Variants in SH3BGR observed in about 807,000 individuals in gnomAD.
The protein encoded by SH3BGR is SH3 domain binding glutamate rich protein.
A neutral mutation model predicts 24.5 loss-of-function variants in SH3BGR; 29 were observed. That is an observed-to-expected ratio of 1.18 (90% CI 0.88 to 1.61). The LOEUF (loss-of-function observed/expected upper bound fraction) is 1.61. Ranked by LOEUF, SH3BGR falls within the 40% of genes most tolerant of loss-of-function variation. The pLI is 0.00. For synonymous variants in SH3BGR, 55 were observed against 65.7 expected, an observed-to-expected ratio of 0.84 and a Z score of 0.79; for missense variants, 162 against 205.8, an observed-to-expected ratio of 0.79 and a Z score of 1.30.
At chr21:39,512,776 A>ATTGCACCACT (rs1223361424) in intron 6 of SH3BGR, among the ~76,000 whole-genome samples, 3 of 152,196 alleles carry the variant, frequency 2.0e-5, no homozygotes, top group Admixed American at 1.3e-4. Flanking sequence ...TGGGTGACAG[A>ATTGCACCACT]GCAAGACTCT....
intron 1 of SH3BGR, among the ~76,000 whole-genome samples, chr21:39,458,302 A>G (rs1015088485): frequency 6.6e-6 from 1 of 152,118 alleles, no homozygotes; most frequent in African/African-American, 2.4e-5. Flanking sequence ...GTCATGTCAA[A>G]GAAAATTTTT....
At chr21:39,459,825 TC>T (rs1299689742) in intron 1 of SH3BGR, among the ~76,000 whole-genome samples, 1 of 152,144 alleles carries the variant, frequency 6.6e-6, no homozygotes, top group Non-Finnish European at 1.5e-5. Flanking sequence ...ACTTTCAGCC[TC>T]CCAAAGTGCT....
intron 3 of SH3BGR, 92 bp from the exon 4 acceptor site, chr21:39,499,731 G>T: frequency 2.4e-6 from 2 of 843,854 alleles, no homozygotes; most frequent in Non-Finnish European, 3.8e-6. Flanking sequence ...TATACTGTGT[G>T]TCTAAATAAG....
At chr21:39,505,351 C>A (rs1042270696) in intron 4 of SH3BGR, among the ~76,000 whole-genome samples, 1 of 152,158 alleles carries the variant, frequency 6.6e-6, no homozygotes, top group East Asian at 1.9e-4. Flanking sequence ...TCCAAGCTTA[C>A]TTATCCTTTC....
intron 3 of SH3BGR, among the ~76,000 whole-genome samples, chr21:39,490,145 A>T (rs946645272): frequency 6.6e-6 from 1 of 152,282 alleles, no homozygotes; most frequent in Non-Finnish European, 1.5e-5. Context: ...TATTATGAAT[A>T]GGAAACTAAA....
intron 3 of SH3BGR, among the ~76,000 whole-genome samples, chr21:39,485,963 C>T (rs1390680002): frequency 6.6e-6 from 1 of 152,172 alleles, no homozygotes; most frequent in Non-Finnish European, 1.5e-5. Flanking sequence ...GCTGGGATTA[C>T]AGGCGTGAGC....
intron 3 of SH3BGR, among the ~76,000 whole-genome samples, chr21:39,496,270 G>A (rs1349814024): frequency 1.3e-5 from 2 of 152,178 alleles, no homozygotes; most frequent in Non-Finnish European, 1.5e-5. Context: ...GGAGGCCGAG[G>A]CGGGTGGATC....
chr21:39,455,670 C>T (rs2077643181), intron 1 of SH3BGR, among the ~76,000 whole-genome samples: 1 of 152,218 alleles, frequency 6.6e-6, no homozygotes, highest in African/African-American at 2.4e-5. Context: ...CACAGGGGTG[C>T]AGCAAGACGA....
intron 3 of SH3BGR, among the ~76,000 whole-genome samples, chr21:39,475,934 T>G (rs2078020674): frequency 6.6e-6 from 1 of 152,128 alleles, no homozygotes; most frequent in Non-Finnish European, 1.5e-5. Context: ...GGGGGGAAGT[T>G]AAGTTTGAAT....
At chr21:39,465,833 G>T (rs1392300558) in intron 2 of SH3BGR, among the ~76,000 whole-genome samples, 1 of 152,158 alleles carries the variant, frequency 6.6e-6, no homozygotes, top group African/African-American at 2.4e-5. Flanking sequence ...TTCAAGTGAT[G>T]CACCCATCTT....
In SH3BGR at chr21:39,510,919, A is replaced by AC. The variant is rs2078678469; in HGVS notation, c.436-761_436-760insC. 2.9e-5 allele frequency among the ~76,000 whole-genome samples: 4 copies of AC among 137,008 alleles called. No homozygotes were observed. The South Asian group carries it at 9.6e-4, about 33-fold the overall frequency. The allele number at this position is 137,008 out of a possible 152,430, so 89.9% of individuals were successfully genotyped here. On this transcript the variant is annotated intron_variant, in intron 5 of 6. Coordinates refer to ENST00000333634, the MANE Select transcript of SH3BGR (RefSeq NM_007341.3). ...ATTTGATTCTTCTAACTATATATAT[A>AC]TATATATATATATATATATATATAT...
chr21:39,512,494 T>C (rs2078713146), intron 6 of SH3BGR, among the ~76,000 whole-genome samples: 1 of 152,230 alleles, frequency 6.6e-6, no homozygotes, highest in Non-Finnish European at 1.5e-5. Context: ...ACTAGTTTGA[T>C]AAGTGCCACA....
chr21:39,505,513 A>C (rs1049219482), intron 4 of SH3BGR, among the ~76,000 whole-genome samples: 6 of 152,208 alleles, frequency 3.9e-5, no homozygotes, highest in Non-Finnish European at 8.8e-5. Context: ...CTGTATTCCC[A>C]GCACTTCGGG....
upstream of SH3BGR, chr21:39,451,895 G>A (rs773553875): frequency 1.2e-6 from 2 of 1,613,072 alleles, no homozygotes; most frequent in Non-Finnish European, 8.5e-7. Flanking sequence ...GCCAATGGAG[G>A]GAGGAGCCCA....
At chr21:39,494,533 G>GT (rs560945695) in intron 3 of SH3BGR, among the ~76,000 whole-genome samples, 25 of 151,754 alleles carry the variant, frequency 1.6e-4, no homozygotes, top group Non-Finnish European at 3.4e-4. Flanking sequence ...CCTTGGATGT[G>GT]TTTTTTTCCC....
At chr21:39,479,117 C>T (rs1338550448) in intron 3 of SH3BGR, among the ~76,000 whole-genome samples, 4 of 152,090 alleles carry the variant, frequency 2.6e-5, no homozygotes, top group African/African-American at 9.7e-5. Flanking sequence ...TGTCTGTATT[C>T]CCAGCAACTA....
chr21:39,510,238 A>G lies in SH3BGR; in HGVS notation c.435+1211A>G, dbSNP rs547277693. Among the ~76,000 whole-genome samples, 15 of 152,194 alleles carry G rather than the reference A, an allele frequency of 9.9e-5. 2 individuals are homozygous for G. The highest frequency in any genetic ancestry group is 2.9e-4 in the African/African-American group (12 of 41,486). ...ATTACAGGCGTGAGCCACCGCGCCC[A>G]GCCTTTGTTAACTTTTGAAATGACA... On this transcript the variant is annotated intron_variant, in intron 5 of 6. Coordinates refer to ENST00000333634, the MANE Select transcript of SH3BGR (RefSeq NM_007341.3).
chr21:39,485,733 G>A (rs2078201107), intron 3 of SH3BGR, among the ~76,000 whole-genome samples: 1 of 148,972 alleles, frequency 6.7e-6, no homozygotes, highest in African/African-American at 2.5e-5. Context: ...TGTCGCCCAG[G>A]CTGGAGTGCA....
At chr21:39,474,685 C>T (rs536664170) in intron 2 of SH3BGR, among the ~76,000 whole-genome samples, 3 of 152,166 alleles carry the variant, frequency 2.0e-5, no homozygotes, top group South Asian at 2.1e-4. Flanking sequence ...TGTGCCTGTT[C>T]GTATTGGGAG....
Sources: gnomAD v4.1 joint callset for allele counts (sites outside exome capture counted in the v4.1 genomes callset) on GRCh38, gnomAD v4.1.1 for gene constraint, MANE v1.5 for transcripts, NCBI Gene and HGNC (gene_info 2026-07-23, HGNC 2026-07-21) for gene names.